CTNNA2: variants seen among roughly 807,000 people sequenced by gnomAD.
The protein encoded by CTNNA2 is catenin alpha-2.
In CTNNA2, 42 loss-of-function variants were observed where a neutral mutation model predicts 101.0. The observed-to-expected ratio is 0.42, with a 90% confidence interval of 0.32 to 0.54. CTNNA2 has a LOEUF of 0.54. CTNNA2 is among the 20% of genes least tolerant of loss of function. CTNNA2 has a pLI of 0.14. For synonymous variants in CTNNA2, 450 were observed against 456.4 expected (o/e 0.99, Z 0.18); for missense variants, 871 against 1,223.1 (o/e 0.71, Z 4.29).
At chr2:79,213,223 T>G (rs1187946064) in intron 2 of CTNNA2, among the ~76,000 whole-genome samples, 1 of 152,178 alleles carries the variant, frequency 6.6e-6, no homozygotes, top group Non-Finnish European at 1.5e-5. Context: ...GCATAAGCAT[T>G]GTCCTGAGCG....
At chr2:79,675,829 T>TA (rs796929058) in intron 2 of CTNNA2, among the ~76,000 whole-genome samples, 27 of 152,324 alleles carry the variant, frequency 1.8e-4, no homozygotes, top group African/African-American at 5.1e-4. Flanking sequence ...TACAAGGATA[T>TA]AAAAAATGTA....
chr2:80,474,504 A>T (rs1283808983), intron 9 of CTNNA2, among the ~76,000 whole-genome samples: 1 of 152,202 alleles, frequency 6.6e-6, no homozygotes. Flanking sequence ...TTTAGAAGGC[A>T]AGAGGTAAAT....
chr2:80,542,222 CTTAT>C, intron 9 of CTNNA2, among the ~76,000 whole-genome samples: 1 of 148,588 alleles, frequency 6.7e-6, no homozygotes, highest in African/African-American at 2.5e-5. Context: ...TAAATGTAGT[CTTAT>C]TTACTTATTT....
intron 3 of CTNNA2, among the ~76,000 whole-genome samples, chr2:79,346,537 T>C (rs1301410175): frequency 6.6e-6 from 1 of 152,112 alleles, no homozygotes; most frequent in Non-Finnish European, 1.5e-5. Flanking sequence ...ATAGCATGAT[T>C]TTATACTCAG....
chr2:79,995,183 G>A (rs1458880670), intron 7 of CTNNA2, among the ~76,000 whole-genome samples: 2 of 152,168 alleles, frequency 1.3e-5, no homozygotes, highest in Admixed American at 6.5e-5. Context: ...TCTGCTGAGA[G>A]GTAGGAATAA....
intron 7 of CTNNA2, among the ~76,000 whole-genome samples, chr2:80,312,349 T>A (rs1677670601): frequency 6.6e-6 from 1 of 151,992 alleles, no homozygotes; most frequent in African/African-American, 2.4e-5. Flanking sequence ...TGAGCCAGAG[T>A]AGCGGGGTGA....
At chr2:79,225,589 C>A (rs902828978) in intron 2 of CTNNA2, among the ~76,000 whole-genome samples, 2 of 152,118 alleles carry the variant, frequency 1.3e-5, no homozygotes, top group Non-Finnish European at 2.9e-5. Flanking sequence ...TGTGGCTACA[C>A]CTGACTCAAG....
At chr2:80,005,621 A>G (rs375644441) in intron 7 of CTNNA2, among the ~76,000 whole-genome samples, 36 of 152,160 alleles carry the variant, frequency 2.4e-4, no homozygotes, top group Non-Finnish European at 4.3e-4. Flanking sequence ...TAGAAAGCCT[A>G]TCACCATAGA....
chr2:80,619,567 G>A (rs1242613190), intron 18 of CTNNA2, among the ~76,000 whole-genome samples: 1 of 151,870 alleles, frequency 6.6e-6, no homozygotes, highest in Non-Finnish European at 1.5e-5. Flanking sequence ...TAGTCAGAAG[G>A]ATGTATTCTT....
At chr2:80,293,359 C>T (rs1216091232) in intron 7 of CTNNA2, among the ~76,000 whole-genome samples, 1 of 152,192 alleles carries the variant, frequency 6.6e-6, no homozygotes, top group African/African-American at 2.4e-5. Context: ...ACATAGTTTG[C>T]AATATTGAGA....
At chr2:80,548,314 A>G (rs1055948585) in intron 11 of CTNNA2, among the ~76,000 whole-genome samples, 1 of 152,134 alleles carries the variant, frequency 6.6e-6, no homozygotes, top group Non-Finnish European at 1.5e-5. Flanking sequence ...ATACCTATAC[A>G]TTGCCTTTTT....
intron 2 of CTNNA2, among the ~76,000 whole-genome samples, chr2:79,690,552 G>A (rs540606477): frequency 1.3e-5 from 2 of 152,052 alleles, no homozygotes; most frequent in South Asian, 2.1e-4. Context: ...TGGGCTTTTG[G>A]GTTGGTTCCA....
chr2:79,882,938 G>GT (rs397829055), intron 6 of CTNNA2, among the ~76,000 whole-genome samples: 4 of 151,908 alleles, frequency 2.6e-5, no homozygotes, highest in African/African-American at 2.4e-5. Context: ...TTGGCTGGGG[G>GT]TGGGGGCTCC....
At chr2:80,373,997 T>C (rs1487566935) in intron 7 of CTNNA2, among the ~76,000 whole-genome samples, 1 of 152,084 alleles carries the variant, frequency 6.6e-6, no homozygotes, top group Admixed American at 6.6e-5. Context: ...TGGTATTTCC[T>C]GTTACACCAT....
chr2:80,135,145 G>A (rs899444373), intron 7 of CTNNA2, among the ~76,000 whole-genome samples: 2 of 152,168 alleles, frequency 1.3e-5, no homozygotes, highest in African/African-American at 4.8e-5. Context: ...AGGATTTGTG[G>A]TCTGGTGTGG....
chr2:79,971,052 G>A (rs1690445754), intron 7 of CTNNA2, among the ~76,000 whole-genome samples: 1 of 152,110 alleles, frequency 6.6e-6, no homozygotes, highest in African/African-American at 2.4e-5. Context: ...AAGAATTCAG[G>A]TTCTTCTGTT....
At chr2:80,307,825 CAT>C (rs1677172501) in intron 7 of CTNNA2, among the ~76,000 whole-genome samples, 1 of 152,200 alleles carries the variant, frequency 6.6e-6, no homozygotes, top group East Asian at 1.9e-4. Flanking sequence ...ATCATGCCAA[CAT>C]GTGATTGGGC....
At chr2:80,244,986 C>T (rs557781509) in intron 7 of CTNNA2, among the ~76,000 whole-genome samples, 14 of 152,222 alleles carry the variant, frequency 9.2e-5, no homozygotes, top group African/African-American at 2.9e-4. Context: ...ACAAAGCGGG[C>T]GTTTTTATTG....
chr2:79,189,915 G>C (rs373198189), intron 1 of CTNNA2, among the ~76,000 whole-genome samples: 323 of 152,270 alleles, frequency 2.1e-3, no homozygotes, highest in Non-Finnish European at 3.7e-3. Flanking sequence ...TATTCTAAGA[G>C]GATGGAGGAC....
Sources: gnomAD v4.1 joint callset for allele counts (sites outside exome capture counted in the v4.1 genomes callset) on GRCh38, gnomAD v4.1.1 for gene constraint, MANE v1.5 for transcripts, NCBI Gene and HGNC (gene_info 2026-07-23, HGNC 2026-07-21) for gene names.